The following SNX29 variants were observed in gnomAD, a reference collection of about 807,000 sequenced individuals.
SNX29 encodes the protein sorting nexin-29.
A neutral mutation model predicts 102.1 loss-of-function variants in SNX29; 78 were observed. The ratio of observed to expected loss-of-function variants is 0.76; its 90% CI spans 0.64 to 0.92. The LOEUF (loss-of-function observed/expected upper bound fraction) is 0.92. SNX29 is among the 40% of genes least tolerant of loss of function. SNX29 has a pLI of 0.00. For missense variants in SNX29, 1,280 were observed against 1,061.7 expected (o/e 1.21, Z -2.86); for synonymous variants, 580 against 414.5 (o/e 1.40, Z -4.85).
rs148695617 is a variant in SNX29 at position 12,481,951 on chromosome 16, TCTTC to T, written c.2178+4094_2178+4097del. ...GCTGCTGAGGACACATCTTAGTGAT[TCTTC>T]CCATTTCCAAAGGAGGATTGAGTCA... On this transcript the variant is annotated intron_variant, in intron 19 of 20. Transcript: ENST00000566228. Among the ~76,000 whole-genome samples, 406 of 152,348 alleles carry T rather than the reference TCTTC, an allele frequency of 2.7e-3. 1 individual carries two copies. Among genetic ancestry groups the T allele is most frequent in the African/African-American group, 8.8e-3 (366 of 41,588 alleles).
At chr16:12,042,232 T>C (rs1313742481) in intron 4 of SNX29, among the ~76,000 whole-genome samples, 1 of 152,188 alleles carries the variant, frequency 6.6e-6, no homozygotes, top group Non-Finnish European at 1.5e-5. Flanking sequence ...GGTTTTACTG[T>C]GTTGGCCAGG....
intron 19 of SNX29, among the ~76,000 whole-genome samples, chr16:12,503,697 T>A (rs1009576497): frequency 6.6e-6 from 1 of 152,170 alleles, no homozygotes; most frequent in Admixed American, 6.5e-5. Context: ...CCTCTCTCCG[T>A]CACTTTTTTT....
chr16:11,976,872 G>C lies in SNX29; in HGVS notation c.7+59G>C, dbSNP rs1471742024. The C allele has an allele frequency of 3.0e-6, 4 of 1,316,616 alleles. No individual in the cohort carries two copies. In the African/African-American group the frequency reaches 6.2e-5, roughly 20 times the overall value. 81.6% of individuals were successfully genotyped at this position (1,316,616 alleles called of 1,614,324 possible). On this transcript the variant is annotated intron_variant, in intron 1 of 20. Transcript: ENST00000566228. ...GGCCGCCCCGGCTCCCGCCGCTCCAGCTGCACACTCCGGCCCCTGCGTCCT... is the reference window on the plus strand; with the variant it reads ...GGCCGCCCCGGCTCCCGCCGCTCCACCTGCACACTCCGGCCCCTGCGTCCT...
At chr16:12,224,648 A>G (rs1009528651) in intron 14 of SNX29, among the ~76,000 whole-genome samples, 3 of 152,258 alleles carry the variant, frequency 2.0e-5, no homozygotes, top group African/African-American at 4.8e-5. Context: ...AGAATTCTAA[A>G]GAGCCTACAT....
At chr16:12,025,570 G>A (rs545908853) in intron 3 of SNX29, among the ~76,000 whole-genome samples, 51 of 152,270 alleles carry the variant, frequency 3.3e-4, no homozygotes, top group African/African-American at 1.1e-3. Flanking sequence ...TATGGTTGAG[G>A]GGAAGTATTA....
At chr16:12,556,582 C>T (rs768060520) in intron 20 of SNX29, 16 of 152,180 alleles carry the variant, frequency 1.1e-4, no homozygotes, top group Non-Finnish European at 1.6e-4. Context: ...CAGTGGGAAG[C>T]TATGGAAGGG....
intron 4 of SNX29, among the ~76,000 whole-genome samples, chr16:12,034,543 C>T (rs868434069): frequency 2.6e-5 from 4 of 152,322 alleles, no homozygotes; most frequent in Middle Eastern, 3.4e-3. Flanking sequence ...GTCACTGGAT[C>T]ATGGGCATGT....
rs530713731 is a variant in SNX29, at chr16:12,404,630, A to C, written c.2037+1101A>C. 2.4e-4 allele frequency among the ~76,000 whole-genome samples: 37 copies of C among 152,222 alleles called. No homozygotes were observed. In the East Asian group the frequency reaches 2.7e-3, roughly 11 times the overall value. ...TAGTGAGAAATTGACTTATTGAAGA[A>C]ATTTTCTTGTCTATTAAGATATTTT... is the stretch of plus-strand genomic sequence containing the variant. On this transcript the variant is annotated intron_variant, in intron 18 of 20. Transcript: ENST00000566228.
intron 20 of SNX29, among the ~76,000 whole-genome samples, chr16:12,538,680 C>G (rs926948666): frequency 2.0e-5 from 3 of 152,150 alleles, no homozygotes; most frequent in Non-Finnish European, 4.4e-5. Flanking sequence ...TTTCATCCTC[C>G]TCCCAGGACC....
intron 4 of SNX29, among the ~76,000 whole-genome samples, chr16:12,041,086 G>C (rs1203315291): frequency 6.6e-6 from 1 of 152,026 alleles, no homozygotes; most frequent in East Asian, 1.9e-4. Context: ...GGATTACAGG[G>C]GTGAGCTACC....
chr16:12,189,791 G>C (rs555210706), intron 13 of SNX29, among the ~76,000 whole-genome samples: 1 of 151,784 alleles, frequency 6.6e-6, no homozygotes, highest in Non-Finnish European at 1.5e-5. Flanking sequence ...CAGAGCGTCC[G>C]AGCATCAAAA....
intron 14 of SNX29, among the ~76,000 whole-genome samples, chr16:12,228,602 C>T (rs778819361): frequency 1.3e-5 from 2 of 152,240 alleles, no homozygotes; most frequent in Admixed American, 1.3e-4. Flanking sequence ...AATCCAGATG[C>T]CTTACCATGA....
chr16:12,068,971 A>G (rs2151299537), intron 9 of SNX29, 86 bp from the exon 10 acceptor site: 5 of 1,279,594 alleles, frequency 3.9e-6, no homozygotes, highest in Non-Finnish European at 5.6e-6. Context: ...GTAGCAGATG[A>G]GCCAATGTCT....
chr16:12,003,831 A>AC (rs2056370947), intron 3 of SNX29, among the ~76,000 whole-genome samples: 1 of 151,894 alleles, frequency 6.6e-6, no homozygotes, highest in Non-Finnish European at 1.5e-5. Context: ...ACATGGTGAA[A>AC]CCCCGTCTCT....
intron 14 of SNX29, among the ~76,000 whole-genome samples, chr16:12,201,162 C>T (rs1485852928): frequency 6.6e-6 from 1 of 152,182 alleles, no homozygotes; most frequent in Non-Finnish European, 1.5e-5. Context: ...TGTGGTCATT[C>T]TGGAGTTATC....
In SNX29 at chr16:12,569,916, C is replaced by T. The variant is rs535154523; in HGVS notation, c.*1287C>T. On this transcript the variant is annotated 3_prime_UTR_variant, in exon 21 of 21. Transcript: ENST00000566228. ...GCCTTAATCTGAGGCAGAGACACAG[C>T]AGAACCTGAGGAGAAAAGCAGGTGG... 2.2e-5 allele frequency: 5 copies of T among 232,106 alleles called. No individual in the cohort carries two copies. The highest frequency in any genetic ancestry group is 6.6e-5 in the African/African-American group (3 of 45,262). The allele number at this position is 232,106 out of a possible 1,614,324, so 14.4% of individuals were successfully genotyped here. A position where few individuals can be genotyped will look rare whatever the true frequency, so the allele number is the denominator to read the frequency against.
chr16:12,528,795 C>A (rs558781667), intron 20 of SNX29, among the ~76,000 whole-genome samples: 1 of 152,328 alleles, frequency 6.6e-6, no homozygotes, highest in South Asian at 2.1e-4. Flanking sequence ...GCACACTGTG[C>A]CACTGTGTGT....
chr16:12,208,738 G>T (rs190780125), intron 14 of SNX29, among the ~76,000 whole-genome samples: 1 of 152,118 alleles, frequency 6.6e-6, no homozygotes, highest in East Asian at 1.9e-4. Flanking sequence ...CTCTTTGGGA[G>T]GCTGAGGTGG....
intron 11 of SNX29, among the ~76,000 whole-genome samples, chr16:12,112,099 G>A (rs188512806): frequency 6.6e-6 from 1 of 152,336 alleles, no homozygotes; most frequent in Non-Finnish European, 1.5e-5. Flanking sequence ...TGAACTCTGG[G>A]AGCTCTTGGA....
Sources: allele counts gnomAD v4.1 joint callset (sites outside exome capture counted in the v4.1 genomes callset), GRCh38; gene constraint gnomAD v4.1.1; transcripts MANE v1.5; gene names NCBI Gene and HGNC (gene_info 2026-07-23, HGNC 2026-07-21).